PPP2R2B: variants seen among roughly 807,000 people sequenced by gnomAD.
PPP2R2B encodes the protein serine/threonine-protein phosphatase 2A 55 kDa regulatory subunit B beta isoform.
PPP2R2B carries 5 observed loss-of-function variants against 46.0 expected under a neutral mutation model. The observed-to-expected ratio is 0.11, with a 90% CI of 0.06 to 0.23. The LOEUF is 0.23. PPP2R2B is among the 10% of genes least tolerant of loss of function. PPP2R2B has a pLI of 1.00. For synonymous variants in PPP2R2B, 215 were observed against 206.7 expected, an observed-to-expected ratio of 1.04 and a Z score of -0.34; for missense variants, 367 against 575.0, an observed-to-expected ratio of 0.64 and a Z score of 3.70.
At chr5:146,754,080 G>C (rs146562813) in intron 2 of PPP2R2B, among the ~76,000 whole-genome samples, 23 of 152,240 alleles carry the variant, frequency 1.5e-4, no homozygotes, top group African/African-American at 5.5e-4. Context: ...AAGTCCCCAA[G>C]ATATTTTGCC....
rs1762017959 is a variant in PPP2R2B at position 146,878,245 on chromosome 5, T to C, written c.-124-50A>G. On this transcript the variant is annotated intron_variant, in intron 1 of 9. Transcript: ENST00000394411. This position sits in a 1 kb window ranked among gnomAD's most constrained non-coding sequence, Gnocchi z 4.5. Reference sequence around the variant, plus strand: ...GAGAAAAAAAATAAAAACCCGGCAATGGAGCTGTCACCTCCTCCACTCGGG... The same window carrying C: ...GAGAAAAAAAATAAAAACCCGGCAACGGAGCTGTCACCTCCTCCACTCGGG... The C allele has an allele frequency of 6.6e-7, 1 of 1,517,418 alleles. No homozygotes were observed. Among genetic ancestry groups the C allele is most frequent in the Non-Finnish European group, 8.8e-7 (1 of 1,134,396 alleles). 94.0% of individuals were successfully genotyped at this position (1,517,418 alleles called of 1,614,324 possible).
At chr5:146,937,040 G>A (rs1246879525) in intron 1 of PPP2R2B, among the ~76,000 whole-genome samples, 2 of 152,106 alleles carry the variant, frequency 1.3e-5, no homozygotes, top group Non-Finnish European at 2.9e-5. Flanking sequence ...GGTTGCTCAC[G>A]TCTGTAATCC....
chr5:146,799,310 A>T (rs1195770836), intron 2 of PPP2R2B, among the ~76,000 whole-genome samples: 3 of 152,218 alleles, frequency 2.0e-5, no homozygotes, highest in African/African-American at 4.8e-5. Context: ...AATATGAAAG[A>T]TTTGGGCTGC....
rs151310926 is a variant in PPP2R2B at position 146,750,998 on chromosome 5, G to A, written c.71-49856C>T. Reference sequence around the variant, plus strand: ...TGCTCTCAACAGTAGGAGCTGAAGAGCATGCAGGGGGATCCTGAACTCTGC... The same window carrying A: ...TGCTCTCAACAGTAGGAGCTGAAGAACATGCAGGGGGATCCTGAACTCTGC... On this transcript the variant is annotated intron_variant, in intron 2 of 9. Coordinates refer to ENST00000394411, the MANE Select transcript of PPP2R2B (RefSeq NM_181675.4). 1.9e-3 allele frequency among the ~76,000 whole-genome samples: 289 copies of A among 152,248 alleles called. 1 individual carries two copies. Among genetic ancestry groups the A allele is most frequent in the African/African-American group, 6.5e-3 (269 of 41,524 alleles).
At chr5:146,793,697 T>C (rs1387641615) in intron 2 of PPP2R2B, among the ~76,000 whole-genome samples, 2 of 152,142 alleles carry the variant, frequency 1.3e-5, no homozygotes, top group African/African-American at 4.8e-5. Flanking sequence ...TCACCCAATA[T>C]TGCTGCCTAT....
intron 6 of PPP2R2B, among the ~76,000 whole-genome samples, chr5:146,644,366 C>T (rs1775440889): frequency 6.6e-6 from 1 of 151,074 alleles, no homozygotes; most frequent in African/African-American, 2.4e-5. Flanking sequence ...GTTGAATTAG[C>T]TAGCATTAAG....
chr5:146,753,111 G>T (rs1753649111), intron 2 of PPP2R2B, among the ~76,000 whole-genome samples: 1 of 152,164 alleles, frequency 6.6e-6, no homozygotes, highest in Non-Finnish European at 1.5e-5. Flanking sequence ...GCTTAGCTGG[G>T]TTCAGAACCT....
intron 2 of PPP2R2B, among the ~76,000 whole-genome samples, chr5:146,736,384 T>G (rs1284965479): frequency 1.3e-5 from 2 of 152,184 alleles, no homozygotes; most frequent in Admixed American, 6.5e-5. Flanking sequence ...TTTACATGCA[T>G]TTGCTCCTTC....
intron 1 of PPP2R2B, among the ~76,000 whole-genome samples, chr5:147,008,451 A>G (rs1037303523): frequency 4.6e-5 from 7 of 152,164 alleles, no homozygotes; most frequent in Admixed American, 2.6e-4. Flanking sequence ...CCTGGTGTCT[A>G]TGCTGTCTTT....
chr5:146,589,335 A>G lies in PPP2R2B; in HGVS notation c.*612T>C. 6.5e-6 allele frequency: 1 copy of G among 152,878 alleles called. No homozygotes were observed. The allele number at this position is 152,878 out of a possible 1,614,324, so 9.5% of individuals were successfully genotyped here. A position where few individuals can be genotyped will look rare whatever the true frequency, so the allele number is the denominator to read the frequency against. ...TATGGAGCTTACAAAAAAAGAGCATAGCAGGGTTGATGTGCCCTTTCCTTG... is the reference window on the plus strand; with the variant it reads ...TATGGAGCTTACAAAAAAAGAGCATGGCAGGGTTGATGTGCCCTTTCCTTG... On this transcript the variant is annotated 3_prime_UTR_variant, in exon 10 of 10. Coordinates refer to ENST00000394411, the MANE Select transcript of PPP2R2B (RefSeq NM_181675.4).
intron 1 of PPP2R2B, among the ~76,000 whole-genome samples, chr5:146,922,016 G>C (rs1393652778): frequency 2.0e-5 from 3 of 152,170 alleles, no homozygotes; most frequent in African/African-American, 7.2e-5. Context: ...GCTCAGAGAG[G>C]CTGAGTGACA....
intron 1 of PPP2R2B, among the ~76,000 whole-genome samples, chr5:147,032,338 C>T (rs995989726): frequency 2.6e-5 from 4 of 152,022 alleles, no homozygotes; most frequent in Non-Finnish European, 4.4e-5. Context: ...AAATCAAGAC[C>T]GCAATGTGAT....
At chr5:146,618,651 G>C (rs1037624227) in intron 7 of PPP2R2B, among the ~76,000 whole-genome samples, 1 of 152,164 alleles carries the variant, frequency 6.6e-6, no homozygotes, top group Non-Finnish European at 1.5e-5. Flanking sequence ...TATACAGCTG[G>C]ACAGGGAAGG....
At chr5:146,702,178 A>G (rs562843673) in intron 2 of PPP2R2B, among the ~76,000 whole-genome samples, 1 of 152,262 alleles carries the variant, frequency 6.6e-6, no homozygotes, top group Admixed American at 6.5e-5. Context: ...AACTAAGGCA[A>G]TTACCCCTGA....
At chr5:146,686,742 A>G (rs1778525204) in intron 5 of PPP2R2B, among the ~76,000 whole-genome samples, 1 of 152,172 alleles carries the variant, frequency 6.6e-6, no homozygotes, top group South Asian at 2.1e-4. Flanking sequence ...GCAGCTGATA[A>G]TAATGAGAAA....
rs759053171 is a variant in PPP2R2B, at chr5:147,055,648, C to T, written c.79+17G>A. The stretch of plus-strand genomic sequence containing the variant: ...CTTTTCCCACCCACCCAGACACTCT[C>T]CCTCTCTGGTCTGTACCTTCTGTGT... On this transcript the variant is annotated intron_variant, in intron 1 of 8. Coordinates refer to the PPP2R2B transcript ENST00000336640. 1.1e-5 allele frequency: 17 copies of T among 1,592,862 alleles called. No homozygotes were observed. In the East Asian group the frequency reaches 3.4e-4, roughly 31 times the overall value.
intron 1 of PPP2R2B, among the ~76,000 whole-genome samples, chr5:146,965,203 A>G (rs886266649): frequency 1.3e-5 from 2 of 152,206 alleles, no homozygotes; most frequent in Non-Finnish European, 2.9e-5. Flanking sequence ...TCCCTTCAAA[A>G]TATATAAGAT....
chr5:146,930,620 C>T (rs995960024), intron 1 of PPP2R2B, among the ~76,000 whole-genome samples: 2 of 151,988 alleles, frequency 1.3e-5, no homozygotes, highest in African/African-American at 4.8e-5. Flanking sequence ...CCACCATTCA[C>T]AAAAAGGGCA....
chr5:147,079,697 G>T (rs1757917468), intron 2 of PPP2R2B, among the ~76,000 whole-genome samples: 2 of 151,808 alleles, frequency 1.3e-5, no homozygotes. Flanking sequence ...TGGGAGGGTG[G>T]TAGGAAGATG....
Sources: gnomAD v4.1 joint callset for allele counts (sites outside exome capture counted in the v4.1 genomes callset) on GRCh38, gnomAD v4.1.1 for gene constraint, Gnocchi (gnomAD v3.1) non-coding constraint, MANE v1.5 for transcripts, NCBI Gene and HGNC (gene_info 2026-07-23, HGNC 2026-07-21) for gene names.